Variants in DAB1 observed in about 807,000 individuals in gnomAD.
DAB1 encodes DAB adaptor protein 1, also known as disabled homolog 1.
A neutral mutation model predicts 64.6 loss-of-function variants in DAB1; 15 were observed. The observed-to-expected ratio is 0.23, with a 90% CI of 0.16 to 0.36. The LOEUF is 0.36. DAB1 is among the 10% of genes least tolerant of loss of function. The pLI, the probability that DAB1 is intolerant of heterozygous loss-of-function variation, is 1.00. For missense variants in DAB1, 596 were observed against 706.7 expected (o/e 0.84, Z 1.78); for synonymous variants, 235 against 251.9 (o/e 0.93, Z 0.64).
At chr1:57,500,915 T>G (rs1644282705) in intron 7 of DAB1, among the ~76,000 whole-genome samples, 1 of 152,252 alleles carries the variant, frequency 6.6e-6, no homozygotes, top group Non-Finnish European at 1.5e-5. Flanking sequence ...CAAATCAAAT[T>G]CTAGGGTTAA....
At chr1:58,043,672 C>A (rs189608822) in intron 5 of DAB1, among the ~76,000 whole-genome samples, 64 of 152,288 alleles carry the variant, frequency 4.2e-4, no homozygotes, top group Middle Eastern at 3.4e-3. Context: ...AAAATGAGAT[C>A]ACTATTGTGC....
rs188871565 is a variant in DAB1, at chr1:57,550,400, A to G, written n.625+99192T>C. ...TTGATCACTCACTAACTCTGATTCT[A>G]TACCATTTGTTGCTAAATTACAGTT... On this transcript the variant is annotated intron_variant and non_coding_transcript_variant, in intron 7 of 20. Transcript: ENST00000485760. Among the ~76,000 whole-genome samples the G allele has an allele frequency of 1.6e-4, 24 of 152,242 alleles. No individual in the cohort carries two copies. In the East Asian group the frequency reaches 4.1e-3, roughly 26 times the overall value.
At chr1:57,672,321 T>A (rs979629151) in intron 6 of DAB1, among the ~76,000 whole-genome samples, 4 of 152,190 alleles carry the variant, frequency 2.6e-5, no homozygotes, top group Non-Finnish European at 5.9e-5. Context: ...AAAGTAAGAA[T>A]GGTATGTAGT....
intron 2 of DAB1, among the ~76,000 whole-genome samples, chr1:57,182,989 G>T (rs1663139191): frequency 6.6e-6 from 1 of 152,144 alleles, no homozygotes; most frequent in South Asian, 2.1e-4. Context: ...ACGCATGGCT[G>T]GTGGCTGCCA....
intron 5 of DAB1, among the ~76,000 whole-genome samples, chr1:57,991,451 G>A (rs554632936): frequency 6.6e-5 from 10 of 152,238 alleles, no homozygotes; most frequent in South Asian, 4.2e-4. Flanking sequence ...GTCACCTCCT[G>A]GGCAAGCTGG....
downstream of DAB1, among the ~76,000 whole-genome samples, chr1:57,822,983 AT>A (rs71246208): frequency 0.041 from 5,445 of 131,220 alleles, 265 homozygotes; most frequent in African/African-American, 0.14. Flanking sequence ...TAATTTAGGA[AT>A]TTTTTTTTTT....
chr1:57,388,092 C>A (rs936790990), intron 1 of DAB1, among the ~76,000 whole-genome samples: 1 of 152,202 alleles, frequency 6.6e-6, no homozygotes, highest in Non-Finnish European at 1.5e-5. Flanking sequence ...TTCACTCATG[C>A]AGTTAAGTAC....
At chr1:57,351,762 C>T (rs1678607862) in intron 1 of DAB1, among the ~76,000 whole-genome samples, 1 of 151,980 alleles carries the variant, frequency 6.6e-6, no homozygotes, top group Non-Finnish European at 1.5e-5. Context: ...TCAGCTAAGG[C>T]CATCATTGAC....
chr1:57,018,799 G>A (rs187595217), intron 11 of DAB1, among the ~76,000 whole-genome samples: 12 of 152,246 alleles, frequency 7.9e-5, no homozygotes, highest in South Asian at 2.1e-4. Flanking sequence ...TTGGCTATGC[G>A]TCCTTGGGGG....
chr1:57,927,970 A>C (rs1479234404), intron 5 of DAB1, among the ~76,000 whole-genome samples: 1 of 152,156 alleles, frequency 6.6e-6, no homozygotes, highest in Non-Finnish European at 1.5e-5. Flanking sequence ...TTATTTTTTC[A>C]TGCATTTTAA....
At chr1:58,290,853 G>A (rs921539341) in intron 4 of DAB1, among the ~76,000 whole-genome samples, 3 of 152,126 alleles carry the variant, frequency 2.0e-5, no homozygotes, top group African/African-American at 7.2e-5. Context: ...AGAACCACGT[G>A]CTTGTTTTCA....
At chr1:57,634,000 A>G (rs1646022109) in intron 7 of DAB1, among the ~76,000 whole-genome samples, 1 of 152,230 alleles carries the variant, frequency 6.6e-6, no homozygotes, top group African/African-American at 2.4e-5. Flanking sequence ...GCAAATATAA[A>G]CTTACAGTGT....
intron 6 of DAB1, among the ~76,000 whole-genome samples, chr1:57,799,161 G>A (rs1651008670): frequency 6.6e-6 from 1 of 152,138 alleles, no homozygotes; most frequent in Non-Finnish European, 1.5e-5. Flanking sequence ...TCTCTGTGAA[G>A]GTGAAATGAG....
chr1:57,451,004 G>C (rs531366499), intron 7 of DAB1, among the ~76,000 whole-genome samples: 1 of 152,128 alleles, frequency 6.6e-6, no homozygotes, highest in Non-Finnish European at 1.5e-5. Flanking sequence ...TTGTTTTCTG[G>C]AAAAGGTTGT....
At chr1:58,092,434 T>C (rs1310380427) in intron 5 of DAB1, among the ~76,000 whole-genome samples, 1 of 152,148 alleles carries the variant, frequency 6.6e-6, no homozygotes, top group Non-Finnish European at 1.5e-5. Context: ...AGATCAGAGA[T>C]GACCATCACA....
intron 6 of DAB1, among the ~76,000 whole-genome samples, chr1:57,740,044 T>C (rs1197714162): frequency 5.7e-5 from 2 of 35,076 alleles, no homozygotes; most frequent in East Asian, 8.7e-4. Context: ...CTACTACTAC[T>C]ACAAAAAAAA....
At chr1:57,734,874 T>C (rs547445085) in intron 6 of DAB1, among the ~76,000 whole-genome samples, 2 of 152,236 alleles carry the variant, frequency 1.3e-5, no homozygotes, top group Non-Finnish European at 2.9e-5. Flanking sequence ...AACATAATTA[T>C]AATAAATGAT....
chr1:58,216,847 G>T (rs1312613321), intron 4 of DAB1, among the ~76,000 whole-genome samples: 4 of 152,220 alleles, frequency 2.6e-5, no homozygotes, highest in African/African-American at 9.6e-5. Context: ...TTTCAAGGCA[G>T]AAACTGCAGG....
intron 5 of DAB1, among the ~76,000 whole-genome samples, chr1:58,096,000 GC>G (rs1010933230): frequency 6.6e-6 from 1 of 152,178 alleles, no homozygotes; most frequent in African/African-American, 2.4e-5. Flanking sequence ...GGTGGTGGGG[GC>G]TCTACCCAGA....
Sources: gnomAD v4.1 joint callset for allele counts (sites outside exome capture counted in the v4.1 genomes callset) on GRCh38, gnomAD v4.1.1 for gene constraint, MANE v1.5 for transcripts, NCBI Gene and HGNC (gene_info 2026-07-23, HGNC 2026-07-21) for gene names.